NLRC5: variants seen among roughly 807,000 people sequenced by gnomAD.
NLRC5 encodes NLR family CARD domain containing 5, also known as protein NLRC5.
A neutral mutation model predicts 206.9 loss-of-function variants in NLRC5; 114 were observed. That is an observed-to-expected ratio of 0.55 (90% CI 0.47 to 0.64). The LOEUF (loss-of-function observed/expected upper bound fraction) is 0.64. NLRC5 is among the 30% of genes least tolerant of loss of function. The pLI, the probability that NLRC5 is intolerant of heterozygous loss-of-function variation, is 0.00. For missense variants in NLRC5, 2,008 were observed against 2,305.5 expected (o/e 0.87, Z 2.64); for synonymous variants, 952 against 962.8 (o/e 0.99, Z 0.21).
In NLRC5 at chr16:57,030,950, AT is replaced by A. The variant is rs530518942; in HGVS notation, c.2418-452del. Reference sequence around the variant, plus strand: ...ATAGTCTCTACAAAAAATGAACAAAATTAATGGGGCATGGTGGTGCATGCCT... The same window carrying A: ...ATAGTCTCTACAAAAAATGAACAAAATAATGGGGCATGGTGGTGCATGCCT... On this transcript the variant is annotated intron_variant, in intron 10 of 48. Transcript: ENST00000688547. 1.4e-3 allele frequency among the ~76,000 whole-genome samples: 208 copies of A among 152,240 alleles called. 1 individual carries two copies. The highest frequency in any genetic ancestry group is 4.8e-3 in the African/African-American group (199 of 41,534).
intron 36 of NLRC5, among the ~76,000 whole-genome samples, chr16:57,068,527 T>C (rs1427623503): frequency 2.6e-5 from 4 of 152,168 alleles, no homozygotes; most frequent in Non-Finnish European, 5.9e-5. Flanking sequence ...TCCCTTTTCT[T>C]TCACTCTCTC....
chr16:57,054,772 C>T lies in NLRC5; in HGVS notation c.3528C>T (p.Ser1176=). Residue 1176 remains serine, a synonymous_variant, in exon 25 of 49, where the codon TCC becomes TCT. Coordinates refer to ENST00000688547, the MANE Select transcript of NLRC5 (RefSeq NM_001384950.1). ...SLLQLSQTGL[S]PKSPFLLANT... ...TCAGGCTGAGCCAGACGGGACTGTC[C>T]CCGAAAAGCCCCTTCCTGCTGGCCA... 6.2e-7 allele frequency: 1 copy of T among 1,614,180 alleles called. No homozygotes were observed. Among genetic ancestry groups the T allele is most frequent in the Non-Finnish European group, 8.5e-7 (1 of 1,180,036 alleles).
rs555497997 is a variant in NLRC5 at position 57,043,545 on chromosome 16, C to T, written c.3144C>T (p.Ala1048=). 5.6e-6 allele frequency: 9 copies of T among 1,614,126 alleles called. No homozygotes were observed. Among genetic ancestry groups the T allele is most frequent in the South Asian group, 3.3e-5 (3 of 91,086 alleles). Residue 1048 remains alanine, a synonymous_variant, in exon 20 of 49, where the codon GCC becomes GCT. Coordinates refer to ENST00000688547, the MANE Select transcript of NLRC5 (RefSeq NM_001384950.1). ...GTGAGAACGGTTTGTCCCTGGATGC[C>T]GTGTTGGGTTTGGTTCGGTGCTTCT... ...NLSENGLSLD[A]VLGLVRCFST...
intron 23 of NLRC5, among the ~76,000 whole-genome samples, chr16:57,050,025 C>T (rs2064648223): frequency 6.6e-6 from 1 of 151,516 alleles, no homozygotes; most frequent in African/African-American, 2.4e-5. Context: ...TCCCTGAATT[C>T]AAGCACTGCA....
rs1429886211 is a variant in NLRC5, at chr16:57,055,418, T to C, written c.3660-15T>C. The C allele has an allele frequency of 6.2e-7, 1 of 1,612,776 alleles. No homozygotes were observed. On this transcript the variant is annotated splice_polypyrimidine_tract_variant and intron_variant, in intron 26 of 48. Coordinates refer to ENST00000688547, the MANE Select transcript of NLRC5 (RefSeq NM_001384950.1). The stretch of plus-strand genomic sequence containing the variant: ...AACGCCCCATCCCCTGCTTGTCCCC[T>C]TTACCTCCGTCCAGCAGGTTCACAG...
intron 2 of NLRC5, among the ~76,000 whole-genome samples, chr16:57,018,837 A>G (rs1046374153): frequency 4.6e-5 from 7 of 152,264 alleles, no homozygotes; most frequent in African/African-American, 1.2e-4. Context: ...ATGTGATAGC[A>G]TAGTCCACTA....
chr16:56,999,035 G>A (rs564470910), intron 1 of NLRC5, among the ~76,000 whole-genome samples: 18 of 152,338 alleles, frequency 1.2e-4, no homozygotes, highest in Non-Finnish European at 1.9e-4. Flanking sequence ...CAGCATGGTC[G>A]GGTTCTGGCA....
At chr16:57,059,655 C>T (rs141412791) in intron 30 of NLRC5, 123 bp downstream of exon 30, 1 of 880,198 alleles carries the variant, frequency 1.1e-6, no homozygotes, top group African/African-American at 1.7e-5. Flanking sequence ...TTCAAGCTCA[C>T]TGCCTGGGTC....
At chr16:57,028,975 C>T (rs751136955) in intron 8 of NLRC5, among the ~76,000 whole-genome samples, 3 of 152,176 alleles carry the variant, frequency 2.0e-5, no homozygotes, top group Non-Finnish European at 2.9e-5. Flanking sequence ...GACCCTCCTC[C>T]CTGGCAGAAC....
chr16:57,078,466 G>GT (rs71383218), intron 43 of NLRC5, among the ~76,000 whole-genome samples: 12,131 of 92,174 alleles, frequency 0.13, 1,158 homozygotes, highest in African/African-American at 0.15. Flanking sequence ...CTGGGACCTT[G>GT]TTTTTTTTTT....
intron 1 of NLRC5, among the ~76,000 whole-genome samples, chr16:57,009,880 A>G (rs1352447890): frequency 6.6e-6 from 1 of 152,184 alleles, no homozygotes; most frequent in African/African-American, 2.4e-5. Context: ...GACCTGATGC[A>G]GGCTCTGTCT....
intron 1 of NLRC5, among the ~76,000 whole-genome samples, chr16:57,004,280 G>GT (rs2058658258): frequency 1.3e-5 from 2 of 152,102 alleles, no homozygotes; most frequent in Admixed American, 1.3e-4. Context: ...CTTTGTTTTT[G>GT]TTTTTTGTTG....
rs148014811 is a variant in NLRC5, at chr16:57,066,319, A to G, written c.4242-215A>G. ...GACCCTGTCTCTTTAAAAAAAAAAA[A>G]AAAGAAAGAGAAAAATTGTTGAAAA... On this transcript the variant is annotated intron_variant, in intron 33 of 48. Transcript: ENST00000688547. 7.1e-3 allele frequency among the ~76,000 whole-genome samples: 1,076 copies of G among 152,126 alleles called. 16 individuals are homozygous for G. The highest frequency in any genetic ancestry group is 0.025 in the African/African-American group (1,043 of 41,498).
chr16:57,039,630 T>C (rs2063031101), intron 15 of NLRC5, 151 bp from the exon 16 acceptor site: 9 of 686,932 alleles, frequency 1.3e-5, no homozygotes, highest in South Asian at 1.2e-4. Context: ...AGTGGGAGGA[T>C]TGCTTGAGCC....
chr16:57,054,722 T>A, intron 24 of NLRC5, 29 bp from the exon 25 acceptor site: 1 of 1,449,294 alleles, frequency 6.9e-7, no homozygotes, highest in Non-Finnish European at 9.4e-7. Context: ...TCCACTCATC[T>A]TGCCGGATCT....
intron 1 of NLRC5, among the ~76,000 whole-genome samples, chr16:57,009,213 C>T (rs1426179284): frequency 1.3e-5 from 2 of 152,000 alleles, no homozygotes; most frequent in Non-Finnish European, 2.9e-5. Flanking sequence ...ATCACTTGAA[C>T]CCAAGAGGTG....
chr16:57,071,311 ATGGT>A (rs1329927585), intron 38 of NLRC5, among the ~76,000 whole-genome samples: 1 of 86,476 alleles, frequency 1.2e-5, no homozygotes, highest in African/African-American at 4.6e-5. Context: ...GTGAGTGGTG[ATGGT>A]TGGTTAATGG....
intron 38 of NLRC5, among the ~76,000 whole-genome samples, chr16:57,073,945 C>A (rs1318183288): frequency 6.6e-6 from 1 of 152,226 alleles, no homozygotes; most frequent in Non-Finnish European, 1.5e-5. Context: ...CCTCTCTGTT[C>A]TTTGGCCTCC....
chr16:57,021,229 G>A (rs1165080542), intron 3 of NLRC5: 11 of 484,732 alleles, frequency 2.3e-5, no homozygotes, highest in East Asian at 6.6e-5. Flanking sequence ...CGAATTGCTC[G>A]AATTGCTGAG....
Sources: allele counts gnomAD v4.1 joint callset (sites outside exome capture counted in the v4.1 genomes callset), GRCh38; gene constraint gnomAD v4.1.1; transcripts MANE v1.5; gene names NCBI Gene and HGNC (gene_info 2026-07-23, HGNC 2026-07-21).